Variants in LRRC28 observed in about 807,000 individuals in gnomAD.
The protein encoded by LRRC28 is leucine rich repeat containing 28.
A neutral mutation model predicts 45.7 loss-of-function variants in LRRC28; 39 were observed. That is an observed-to-expected ratio of 0.85 (90% CI 0.66 to 1.12). The LOEUF is 1.12. Ranked by LOEUF, LRRC28 falls within the 50% of genes most tolerant of loss-of-function variation. The probability of loss-of-function intolerance (pLI) is 0.00; values close to 1 mark genes in which losing one functional copy is unlikely to be tolerated. For missense variants in LRRC28, 435 were observed against 438.5 expected (o/e 0.99, Z 0.07); for synonymous variants, 206 against 178.8 (o/e 1.15, Z -1.22).
rs759702291 is a variant in LRRC28 at position 99,386,257 on chromosome 15, C to T, written c.*155C>T. On this transcript the variant is annotated 3_prime_UTR_variant, in exon 10 of 10. Coordinates refer to ENST00000301981, the MANE Select transcript of LRRC28 (RefSeq NM_144598.5). The stretch of plus-strand genomic sequence containing the variant: ...GCTTCAGAGCTAAAATGCCTTCACC[C>T]TTCCCCCAAGTTGGAATATATCCTC... 4 of 617,662 alleles carry T rather than the reference C, an allele frequency of 6.5e-6. No homozygotes were observed. The Admixed American group carries it at 7.3e-5, about 11-fold the overall frequency. The allele number at this position is 617,662 out of a possible 1,614,324, so 38.3% of individuals were successfully genotyped here. A position where few individuals can be genotyped will look rare whatever the true frequency, so the allele number is the denominator to read the frequency against.
intron 5 of LRRC28, among the ~76,000 whole-genome samples, chr15:99,330,252 AT>A (rs1382340802): frequency 6.6e-6 from 1 of 152,086 alleles, no homozygotes; most frequent in African/African-American, 2.4e-5. Flanking sequence ...GCCCAAGCCC[AT>A]TTGGTTGATT....
At chr15:99,289,898 AGT>A (rs1251003705) in intron 5 of LRRC28, among the ~76,000 whole-genome samples, 8 of 131,010 alleles carry the variant, frequency 6.1e-5, no homozygotes, top group East Asian at 5.0e-4. Context: ...GCGCCACTGC[AGT>A]CCGCAGTCCG....
chr15:99,335,736 A>G (rs903313461), intron 6 of LRRC28, among the ~76,000 whole-genome samples: 2 of 152,072 alleles, frequency 1.3e-5, no homozygotes, highest in African/African-American at 4.8e-5. Flanking sequence ...GCTTGTATTT[A>G]CCACTTCATA....
chr15:99,319,092 T>G (rs1955701832), intron 5 of LRRC28, among the ~76,000 whole-genome samples: 1 of 152,174 alleles, frequency 6.6e-6, no homozygotes, highest in Non-Finnish European at 1.5e-5. Flanking sequence ...TTTTACTTAT[T>G]CTGTGCAAAG....
intron 2 of LRRC28, among the ~76,000 whole-genome samples, chr15:99,267,860 C>G (rs2081372113): frequency 1.3e-5 from 2 of 152,148 alleles, no homozygotes; most frequent in Non-Finnish European, 2.9e-5. Flanking sequence ...TTAAGAAACT[C>G]AAGCCTCTCA....
At chr15:99,323,914 A>G (rs1955884040) in intron 5 of LRRC28, among the ~76,000 whole-genome samples, 1 of 152,222 alleles carries the variant, frequency 6.6e-6, no homozygotes, top group South Asian at 2.1e-4. Context: ...TAACAGGATT[A>G]TGGTTTGAAC....
chr15:99,340,889 TGAGA>T (rs978599571), intron 6 of LRRC28, among the ~76,000 whole-genome samples: 1 of 152,016 alleles, frequency 6.6e-6, no homozygotes, highest in Non-Finnish European at 1.5e-5. Flanking sequence ...TGGGAAGAAA[TGAGA>T]GAATTAGTCA....
chr15:99,276,430 A>C (rs1418478268), intron 2 of LRRC28, 146 bp from the exon 3 acceptor site: 9 of 555,328 alleles, frequency 1.6e-5, no homozygotes, highest in African/African-American at 1.2e-4. Context: ...CTCTGTAAGA[A>C]TAAAACCCAG....
chr15:99,324,772 A>C (rs1955915905), intron 5 of LRRC28, among the ~76,000 whole-genome samples: 1 of 152,216 alleles, frequency 6.6e-6, no homozygotes, highest in Non-Finnish European at 1.5e-5. Flanking sequence ...AGTTAGAGAC[A>C]CTAAGGAAAT....
intron 5 of LRRC28, among the ~76,000 whole-genome samples, chr15:99,297,036 C>A (rs896438797): frequency 6.6e-6 from 1 of 151,898 alleles, no homozygotes; most frequent in African/African-American, 2.4e-5. Context: ...AAATAATTAG[C>A]CGGGTGTGGT....
At chr15:99,318,309 A>G (rs902745078) in intron 5 of LRRC28, among the ~76,000 whole-genome samples, 2 of 152,120 alleles carry the variant, frequency 1.3e-5, no homozygotes, top group Non-Finnish European at 2.9e-5. Context: ...TTTCAGTGTG[A>G]TAATTCTTAG....
At chr15:99,315,446 T>C (rs1014796109) in intron 5 of LRRC28, among the ~76,000 whole-genome samples, 1 of 152,172 alleles carries the variant, frequency 6.6e-6, no homozygotes, top group African/African-American at 2.4e-5. Context: ...TCACTACTAC[T>C]ATCCTAAAAT....
chr15:99,386,065 C>T lies in LRRC28; in HGVS notation c.1067C>T (p.Ser356Phe). Residue 356 changes from serine to phenylalanine, a missense_variant, in exon 10 of 10, where the codon TCC (serine) becomes TTC (phenylalanine). Transcript: ENST00000301981. ...GTTAGTTTTGTGGCTTACTGCTGCTCCACCCAGTGTCTGCAGACTTTTGAC... is the reference window on the plus strand; with the variant it reads ...GTTAGTTTTGTGGCTTACTGCTGCTTCACCCAGTGTCTGCAGACTTTTGAC... ...TTVSFVAYCCSTQCLQTFDLL... is the reference protein window; with the variant it reads ...TTVSFVAYCCFTQCLQTFDLL... 6.2e-7 allele frequency: 1 copy of T among 1,614,164 alleles called. No homozygotes were observed. Among genetic ancestry groups the T allele is most frequent in the Non-Finnish European group, 8.5e-7 (1 of 1,180,006 alleles).
At position 99,276,635 on chromosome 15, in the gene LRRC28, A is replaced by T. The variant is rs751304363; in HGVS notation, c.209+19A>T. 2.7e-6 allele frequency: 4 copies of T among 1,501,388 alleles called. No homozygotes were observed. The highest frequency in any genetic ancestry group is 3.6e-6 in the Non-Finnish European group (4 of 1,125,222). 93.0% of individuals were successfully genotyped at this position (1,501,388 alleles called of 1,614,324 possible). On this transcript the variant is annotated intron_variant, in intron 3 of 9. Coordinates refer to ENST00000301981, the MANE Select transcript of LRRC28 (RefSeq NM_144598.5). The stretch of plus-strand genomic sequence containing the variant: ...TGGAACTGTGAGTCTGTTTATTCAA[A>T]TTTTTTAAAGACAAGAATGAAAATA...
chr15:99,322,137 G>T (rs1054635326), intron 5 of LRRC28, among the ~76,000 whole-genome samples: 15 of 152,154 alleles, frequency 9.9e-5, no homozygotes, highest in Non-Finnish European at 1.8e-4. Flanking sequence ...GGAAGGACAA[G>T]GTAATTAGAT....
In LRRC28 at chr15:99,270,874, C is replaced by T. The variant is rs540954670; in HGVS notation, c.169-5702C>T. On this transcript the variant is annotated intron_variant, in intron 2 of 9. Transcript: ENST00000301981. ...AAGTGGCTGAGCCATTTTACATTAC[C>T]GCCAGCAGTGCACAATGGTTCCAGT... is the stretch of plus-strand genomic sequence containing the variant. Among the ~76,000 whole-genome samples the T allele has an allele frequency of 6.9e-4, 105 of 152,258 alleles. 1 individual carries two copies. The highest frequency in any genetic ancestry group is 2.3e-3 in the African/African-American group (94 of 41,550).
chr15:99,274,886 T>C (rs1179055638), intron 2 of LRRC28, among the ~76,000 whole-genome samples: 1 of 152,214 alleles, frequency 6.6e-6, no homozygotes, highest in African/African-American at 2.4e-5. Flanking sequence ...CTCCATTCCA[T>C]GTCATCCTCT....
intron 5 of LRRC28, among the ~76,000 whole-genome samples, chr15:99,318,200 A>G (rs1955665461): frequency 6.6e-6 from 1 of 152,170 alleles, no homozygotes; most frequent in South Asian, 2.1e-4. Flanking sequence ...AGATTTGCAT[A>G]AAAGCATTAT....
rs189620473 is a variant in LRRC28, at chr15:99,354,994, G to A, written c.695+2523G>A. Among the ~76,000 whole-genome samples, 526 of 152,274 alleles carry A rather than the reference G, an allele frequency of 3.5e-3. 4 individuals carry two copies. The highest frequency in any genetic ancestry group is 0.022 in the Admixed American group (339 of 15,294). On this transcript the variant is annotated intron_variant, in intron 7 of 9. Transcript: ENST00000301981. ...TATAAGAAAAGTCTGAGATATATACGTATTTATCTCAGATTCACATCTCAG... is the reference window on the plus strand; with the variant it reads ...TATAAGAAAAGTCTGAGATATATACATATTTATCTCAGATTCACATCTCAG...
Sources: allele counts gnomAD v4.1 joint callset (sites outside exome capture counted in the v4.1 genomes callset), GRCh38; gene constraint gnomAD v4.1.1; transcripts MANE v1.5; gene names NCBI Gene and HGNC (gene_info 2026-07-23, HGNC 2026-07-21).